FBXL7: variants seen among roughly 807,000 people sequenced by gnomAD.
FBXL7 encodes F-box/LRR-repeat protein 7.
Under a neutral mutation model 38.3 loss-of-function variants are expected in FBXL7, and 12 were observed. The ratio of observed to expected loss-of-function variants is 0.31; its 90% CI spans 0.20 to 0.51. The LOEUF is 0.51. FBXL7 is among the 20% of genes least tolerant of loss of function. The probability of loss-of-function intolerance (pLI) is 0.98; values close to 1 mark genes in which losing one functional copy is unlikely to be tolerated. For missense variants in FBXL7, 567 were observed against 676.4 expected (o/e 0.84, Z 1.79); for synonymous variants, 297 against 300.9 (o/e 0.99, Z 0.13).
intron 2 of FBXL7, among the ~76,000 whole-genome samples, chr5:15,796,961 C>A (rs1364231416): frequency 6.6e-6 from 1 of 152,192 alleles, no homozygotes; most frequent in Non-Finnish European, 1.5e-5. Context: ...TTTATTTTTA[C>A]ATACATACAA....
chr5:15,745,631 A>G (rs904124180), intron 2 of FBXL7, among the ~76,000 whole-genome samples: 1 of 152,214 alleles, frequency 6.6e-6, no homozygotes, highest in African/African-American at 2.4e-5. Context: ...CTAGGAAAAA[A>G]ACATTTCAGG....
intron 2 of FBXL7, among the ~76,000 whole-genome samples, chr5:15,881,050 T>G (rs1197117610): frequency 2.0e-5 from 3 of 152,102 alleles, no homozygotes; most frequent in Non-Finnish European, 4.4e-5. Context: ...TTTTACTTAT[T>G]TTATTTTGTT....
At chr5:15,564,578 AAAAAG>A (rs1738510348) in intron 1 of FBXL7, among the ~76,000 whole-genome samples, 1 of 151,996 alleles carries the variant, frequency 6.6e-6, no homozygotes, top group African/African-American at 2.4e-5. Flanking sequence ...GTAAAAAAGA[AAAAAG>A]AAACCAACAA....
intron 2 of FBXL7, among the ~76,000 whole-genome samples, chr5:15,920,699 T>G (rs1236724744): frequency 6.6e-6 from 1 of 152,070 alleles, no homozygotes; most frequent in Non-Finnish European, 1.5e-5. Flanking sequence ...TTTTGTATTT[T>G]TAATAGAGAT....
At chr5:15,601,964 G>A (rs181955894) in intron 1 of FBXL7, among the ~76,000 whole-genome samples, 34 of 152,218 alleles carry the variant, frequency 2.2e-4, no homozygotes, top group Admixed American at 1.8e-3. Flanking sequence ...GATCTAATAT[G>A]ACTGATGTCC....
chr5:15,637,777 A>G (rs1170663948), intron 2 of FBXL7, among the ~76,000 whole-genome samples: 20 of 152,362 alleles, frequency 1.3e-4, no homozygotes, highest in Non-Finnish European at 5.9e-5. Flanking sequence ...TTACTAAGGC[A>G]TCATTCTCTG....
At chr5:15,687,439 C>T (rs375296654) in intron 2 of FBXL7, among the ~76,000 whole-genome samples, 1 of 152,192 alleles carries the variant, frequency 6.6e-6, no homozygotes, top group African/African-American at 2.4e-5. Context: ...CTTTGTTCTC[C>T]ATCAAAGAGG....
At chr5:15,542,140 C>A (rs1737770701) in intron 1 of FBXL7, among the ~76,000 whole-genome samples, 1 of 152,000 alleles carries the variant, frequency 6.6e-6, no homozygotes, top group African/African-American at 2.4e-5. Context: ...AGTCAGAAAC[C>A]AGAATCGATG....
intron 1 of FBXL7, among the ~76,000 whole-genome samples, chr5:15,504,250 T>C (rs1353854565): frequency 1.3e-5 from 2 of 152,234 alleles, no homozygotes; most frequent in African/African-American, 2.4e-5. Context: ...CTTGAATGTG[T>C]AGTCATTCAT....
intron 1 of FBXL7, among the ~76,000 whole-genome samples, chr5:15,602,862 GTC>G (rs1739845755): frequency 6.6e-6 from 1 of 152,016 alleles, no homozygotes; most frequent in Non-Finnish European, 1.5e-5. Flanking sequence ...TAGAGACAGG[GTC>G]TCTCTGTCAC....
intron 2 of FBXL7, among the ~76,000 whole-genome samples, chr5:15,697,814 T>G (rs1743386350): frequency 6.6e-6 from 1 of 152,168 alleles, no homozygotes; most frequent in African/African-American, 2.4e-5. Context: ...TAAACTGACT[T>G]TCAACTTTAA....
At chr5:15,700,734 T>C (rs1445101607) in intron 2 of FBXL7, among the ~76,000 whole-genome samples, 1 of 152,250 alleles carries the variant, frequency 6.6e-6, no homozygotes, top group Admixed American at 6.5e-5. Context: ...GTTGATACTT[T>C]TTGGATAATT....
chr5:15,666,902 G>T (rs1742300864), intron 2 of FBXL7, among the ~76,000 whole-genome samples: 1 of 152,116 alleles, frequency 6.6e-6, no homozygotes, highest in Admixed American at 6.6e-5. Flanking sequence ...AGAGCTTTTA[G>T]CCCTGCCTTG....
chr5:15,901,480 A>G (rs1380997210), intron 2 of FBXL7, among the ~76,000 whole-genome samples: 4 of 152,196 alleles, frequency 2.6e-5, no homozygotes, highest in Non-Finnish European at 5.9e-5. Flanking sequence ...CAAGGATATA[A>G]ACACATTCAG....
intron 2 of FBXL7, among the ~76,000 whole-genome samples, chr5:15,648,876 C>T (rs1741619210): frequency 6.6e-6 from 1 of 151,126 alleles, no homozygotes; most frequent in South Asian, 2.1e-4. Context: ...CTTCGGTGTC[C>T]TAGTCAAGTC....
intron 1 of FBXL7, among the ~76,000 whole-genome samples, chr5:15,567,586 T>TATA (rs1228786755): frequency 6.6e-6 from 1 of 151,398 alleles, no homozygotes; most frequent in African/African-American, 2.4e-5. Context: ...CTTTCTTCTT[T>TATA]TTTTTATATA....
chr5:15,524,461 C>G (rs976056130), intron 1 of FBXL7, among the ~76,000 whole-genome samples: 27 of 152,158 alleles, frequency 1.8e-4, no homozygotes, highest in African/African-American at 6.0e-4. Context: ...TTTCCTTTTT[C>G]TCTTTTGAAT....
intron 2 of FBXL7, among the ~76,000 whole-genome samples, chr5:15,859,650 T>G (rs926861974): frequency 1.3e-5 from 2 of 152,012 alleles, no homozygotes; most frequent in African/African-American, 4.8e-5. Flanking sequence ...ATCTCATTAG[T>G]CTTATTTACT....
At chr5:15,759,334 A>G (rs1443670269) in intron 2 of FBXL7, among the ~76,000 whole-genome samples, 1 of 152,128 alleles carries the variant, frequency 6.6e-6, no homozygotes, top group African/African-American at 2.4e-5. Context: ...TTTCATTTAA[A>G]CTTTCCTCAC....
Sources: gnomAD v4.1 joint callset for allele counts (sites outside exome capture counted in the v4.1 genomes callset) on GRCh38, gnomAD v4.1.1 for gene constraint, MANE v1.5 for transcripts, NCBI Gene and HGNC (gene_info 2026-07-23, HGNC 2026-07-21) for gene names.